The following PRKAG2 variants were observed in gnomAD, a reference collection of about 807,000 sequenced individuals.
The protein encoded by PRKAG2 is 5'-AMP-activated protein kinase subunit gamma-2.
A neutral mutation model predicts 69.6 loss-of-function variants in PRKAG2; 26 were observed. That is an observed-to-expected ratio of 0.37 (90% CI 0.27 to 0.52). The LOEUF is 0.52. PRKAG2 is among the 20% of genes least tolerant of loss of function. PRKAG2 has a pLI of 0.90. For missense variants in PRKAG2, 557 were observed against 740.0 expected (o/e 0.75, Z 2.87); for synonymous variants, 293 against 285.0 (o/e 1.03, Z -0.28).
Position 151,781,360 on chromosome 7 carries a change from G to C in PRKAG2, c.258C>G (p.Ser86=). ...FFSRGPQPRP[S]SPMSAPVRPK... ...GCCTCACAGGTGCAGACATGGGGCT[G>C]GAGGGCCGGGGCTGGGGGCCTCTGG... Residue 86 remains serine, a synonymous_variant, in exon 3 of 16, where the codon TCC becomes TCG. Coordinates refer to ENST00000287878, the MANE Select transcript of PRKAG2 (RefSeq NM_016203.4). This position sits in a 1 kb window ranked among gnomAD's most constrained non-coding sequence, Gnocchi z 6.1. 1 of 1,613,538 alleles carries C rather than the reference G, an allele frequency of 6.2e-7. No individual in the cohort carries two copies. Among genetic ancestry groups the C allele is most frequent in the Non-Finnish European group, 8.5e-7 (1 of 1,179,838 alleles).
At position 151,632,325 on chromosome 7, in the gene PRKAG2, G is replaced by A. The variant is rs891570822; in HGVS notation, c.685-187C>T. The A allele has an allele frequency of 9.8e-6, 7 of 710,918 alleles. No homozygotes were observed. The highest frequency in any genetic ancestry group is 6.7e-4 in the Middle Eastern group (1 of 1,482). 44.0% of individuals were successfully genotyped at this position (710,918 alleles called of 1,614,324 possible). A position where few individuals can be genotyped will look rare whatever the true frequency, so the allele number is the denominator to read the frequency against. On this transcript the variant is annotated intron_variant, in intron 4 of 15. Transcript: ENST00000287878. The surrounding 1 kb of genome is among the most constrained non-coding windows in gnomAD (Gnocchi z 4.2). ...GCGCTGCCCCCACCCGCCCGAGGCC[G>A]CCGCCGCCGCCGCAGGTGGCGCGGC...
intron 5 of PRKAG2, 41 bp from the exon 6 acceptor site, chr7:151,595,495 T>C: frequency 1.5e-6 from 2 of 1,349,128 alleles, no homozygotes; most frequent in Non-Finnish European, 2.1e-6. Flanking sequence ...TAATAAAGAA[T>C]TCCCTCAATC....
rs193922697 is a variant in PRKAG2 at position 151,576,438 on chromosome 7, G to A, written c.879C>T (p.Phe293=). The change falls in exon 7 of 16, where the codon TTC becomes TTT. Residue 293 remains phenylalanine (F), a synonymous_variant. Coordinates refer to ENST00000287878, the MANE Select transcript of PRKAG2 (RefSeq NM_016203.4). ...FDTTLQVKKA[F]FALVANGVRA... Reference sequence around the variant, plus strand: ...GGACACCGTTGGCTACCAAAGCAAAGAAGGCCTTTTTAACCTGAAGAAAAA... The same window carrying A: ...GGACACCGTTGGCTACCAAAGCAAAAAAGGCCTTTTTAACCTGAAGAAAAA... 2 of 1,605,772 alleles carry A rather than the reference G, an allele frequency of 1.2e-6. No homozygotes were observed. Among genetic ancestry groups the A allele is most frequent in the East Asian group, 4.5e-5 (2 of 44,838 alleles).
chr7:151,689,246 T>G (rs1221327910), intron 3 of PRKAG2, among the ~76,000 whole-genome samples: 1 of 152,154 alleles, frequency 6.6e-6, no homozygotes, highest in Non-Finnish European at 1.5e-5. Flanking sequence ...GGGGCTCCAG[T>G]GGCCTCCCAC....
At chr7:151,843,751 A>G (rs2079364518) in intron 1 of PRKAG2, among the ~76,000 whole-genome samples, 1 of 152,204 alleles carries the variant, frequency 6.6e-6, no homozygotes, top group Non-Finnish European at 1.5e-5. Context: ...GAATCAGCTG[A>G]CTCAAAGCAG....
At chr7:151,773,040 AGAGAGAGAGAGAGG>A (rs1391888570) in intron 3 of PRKAG2, among the ~76,000 whole-genome samples, 972 of 34,532 alleles carry the variant, frequency 0.028, 62 homozygotes, top group East Asian at 0.12. Context: ...AGAGAGAGAG[AGAGAGAGAGAGAGG>A]GAGGGAGGGA....
At chr7:151,852,495 A>C (rs1407757555) in intron 1 of PRKAG2, among the ~76,000 whole-genome samples, 2 of 152,000 alleles carry the variant, frequency 1.3e-5, no homozygotes, top group Non-Finnish European at 2.9e-5. Context: ...ACTCCATCTC[A>C]AAAAAAGAAA....
At chr7:151,703,368 T>C (rs1838035344) in intron 3 of PRKAG2, among the ~76,000 whole-genome samples, 1 of 152,262 alleles carries the variant, frequency 6.6e-6, no homozygotes, top group Middle Eastern at 3.4e-3. Context: ...TCCCCTGCAG[T>C]GTCTTCTGCC....
intron 1 of PRKAG2, among the ~76,000 whole-genome samples, chr7:151,858,514 T>C (rs1167162479): frequency 6.6e-6 from 1 of 152,140 alleles, no homozygotes; most frequent in East Asian, 1.9e-4. Flanking sequence ...TAAATACCCA[T>C]ATCTCCCACA....
At chr7:151,679,437 G>A (rs1833489075) in intron 3 of PRKAG2, among the ~76,000 whole-genome samples, 1 of 152,082 alleles carries the variant, frequency 6.6e-6, no homozygotes, top group East Asian at 1.9e-4. Context: ...GAGTCAAGAG[G>A]GAATGTTCTC....
chr7:151,800,505 C>A (rs73160017), intron 1 of PRKAG2, among the ~76,000 whole-genome samples: 1 of 152,096 alleles, frequency 6.6e-6, no homozygotes, highest in African/African-American at 2.4e-5. Context: ...CTCCCAGCAC[C>A]GCAATGACAC....
rs2076043757 is a variant in PRKAG2, at chr7:151,771,986, C to A, written c.466+9166G>T. On this transcript the variant is annotated intron_variant, in intron 3 of 15. Coordinates refer to ENST00000287878, the MANE Select transcript of PRKAG2 (RefSeq NM_016203.4). The surrounding 1 kb of genome is among the most constrained non-coding windows in gnomAD (Gnocchi z 4.0). ...AAACAATTTGCTCAGTGCCTTCAGG[C>A]GCCATTCTAGACCCTGAGAAAGCTT... Among the ~76,000 whole-genome samples the A allele has an allele frequency of 6.6e-6, 1 of 152,204 alleles. No individual in the cohort carries two copies. Among genetic ancestry groups the A allele is most frequent in the Non-Finnish European group, 1.5e-5 (1 of 68,044 alleles).
At chr7:151,649,550 A>G (rs1716222727) in intron 4 of PRKAG2, among the ~76,000 whole-genome samples, 1 of 152,106 alleles carries the variant, frequency 6.6e-6, no homozygotes, top group African/African-American at 2.4e-5. Flanking sequence ...CCCAATTGTA[A>G]TCTCCAGTGT....
At chr7:151,816,695 A>G (rs1353199546) in intron 1 of PRKAG2, among the ~76,000 whole-genome samples, 1 of 152,248 alleles carries the variant, frequency 6.6e-6, no homozygotes, top group African/African-American at 2.4e-5. Flanking sequence ...GCCTGCAGCC[A>G]GCCCCCCGGG....
At chr7:151,687,242 T>A (rs1459905582) in intron 3 of PRKAG2, among the ~76,000 whole-genome samples, 1 of 152,158 alleles carries the variant, frequency 6.6e-6, no homozygotes, top group Non-Finnish European at 1.5e-5. Context: ...GAGTTCTACA[T>A]CATGGACCCA....
At chr7:151,575,425 G>T (rs1808652915) in intron 7 of PRKAG2, among the ~76,000 whole-genome samples, 1 of 152,148 alleles carries the variant, frequency 6.6e-6, no homozygotes, top group Non-Finnish European at 1.5e-5. Flanking sequence ...GGATGAAAAA[G>T]ACATGAACTT....
At chr7:151,575,563 A>G (rs1808688704) in intron 7 of PRKAG2, among the ~76,000 whole-genome samples, 1 of 152,258 alleles carries the variant, frequency 6.6e-6, no homozygotes, top group Non-Finnish European at 1.5e-5. Flanking sequence ...GCATTTAGAT[A>G]GCTGTAAGTT....
Position 151,814,515 on chromosome 7 carries a change from C to T in PRKAG2, c.115-27974G>A, listed in dbSNP as rs2078580307. 3.2e-6 allele frequency: 4 copies of T among 1,231,034 alleles called. No homozygotes were observed. The highest frequency in any genetic ancestry group is 8.4e-5 in the Admixed American group (2 of 23,692). 76.3% of individuals were successfully genotyped at this position (1,231,034 alleles called of 1,614,324 possible). On this transcript the variant is annotated intron_variant, in intron 1 of 15. Transcript: ENST00000287878. The surrounding 1 kb of genome is among the most constrained non-coding windows in gnomAD (Gnocchi z 4.8). ...GCAGGATGCGAGTGACGGGGACGGG[C>T]GGCACTCCCAGCTCTGACAAATCCT...
intron 1 of PRKAG2, among the ~76,000 whole-genome samples, chr7:151,875,819 CCCGGG>C (rs2080383598): frequency 6.6e-6 from 1 of 152,100 alleles, no homozygotes; most frequent in Non-Finnish European, 1.5e-5. Context: ...CCAATGTCCT[CCCGGG>C]CGGCTGGCGC....
Sources: allele counts gnomAD v4.1 joint callset (sites outside exome capture counted in the v4.1 genomes callset), GRCh38; gene constraint gnomAD v4.1.1; non-coding constraint Gnocchi (gnomAD v3.1); transcripts MANE v1.5; gene names NCBI Gene and HGNC (gene_info 2026-07-23, HGNC 2026-07-21).